The following CAPN11 variants were observed in gnomAD, a reference collection of about 807,000 sequenced individuals.
The protein encoded by CAPN11 is calpain-11.
Under a neutral mutation model 105.3 loss-of-function variants are expected in CAPN11, and 108 were observed. That is an observed-to-expected ratio of 1.03 (90% CI 0.88 to 1.20). The LOEUF (loss-of-function observed/expected upper bound fraction) is 1.20. Ranked by LOEUF, CAPN11 falls within the 50% of genes most tolerant of loss-of-function variation. The probability of loss-of-function intolerance (pLI) is 0.00; values close to 1 mark genes in which losing one functional copy is unlikely to be tolerated. For missense variants in CAPN11, 883 were observed against 924.8 expected, an observed-to-expected ratio of 0.95 and a Z score of 0.59; for synonymous variants, 329 against 344.5, an observed-to-expected ratio of 0.96 and a Z score of 0.50.
At chr6:44,162,703 G>A (rs1161926613) in intron 1 of CAPN11, among the ~76,000 whole-genome samples, 1 of 152,154 alleles carries the variant, frequency 6.6e-6, no homozygotes, top group African/African-American at 2.4e-5. Flanking sequence ...TCAACCTGGT[G>A]GCCCCTTTTC....
rs1396037360 is a variant in CAPN11 at position 44,180,611 on chromosome 6, G to C, written c.1695G>C (p.Glu565Asp). The change falls in exon 16 of 23, where the codon GAG becomes GAC. Residue 565 changes from glutamate to aspartate, a missense_variant. Transcript: ENST00000398776. The part of the protein sequence containing the change: ...AEQLQEEKVS[E>D]DDMDQDFLHL... ...CCGGCCCCCAGGAAAAGGTCTCTGA[G>C]GATGACATGGACCAGGACTTCCTAC... The C allele has an allele frequency of 1.9e-6, 3 of 1,613,698 alleles. No homozygotes were observed. Among genetic ancestry groups the C allele is most frequent in the Non-Finnish European group, 2.5e-6 (3 of 1,179,848 alleles).
At position 44,169,922 on chromosome 6, in the gene CAPN11, C is replaced by G. The variant is rs1405409768; in HGVS notation, c.356C>G (p.Pro119Arg). ...TCACTGCAGGATATCATAAACAACC[C>G]TCTATTCATCATGGATGGGATTTCT... is the stretch of plus-strand genomic sequence containing the variant. The part of the protein sequence containing the change: ...WQRPKDIINN[P>R]LFIMDGISPT... Residue 119 changes from proline (P) to arginine (R), a missense_variant, in exon 4 of 23, where the codon CCT becomes CGT. Transcript: ENST00000398776. 2 of 1,611,796 alleles carry G rather than the reference C, an allele frequency of 1.2e-6. No homozygotes were observed. Among genetic ancestry groups the G allele is most frequent in the Non-Finnish European group, 1.7e-6 (2 of 1,178,916 alleles).
At chr6:44,181,371 A>G in intron 19 of CAPN11, 51 bp downstream of exon 19, 2 of 1,545,024 alleles carry the variant, frequency 1.3e-6, no homozygotes, top group Admixed American at 3.4e-5. Context: ...AGAGGGTCTT[A>G]GGAGAGATGG....
At chr6:44,161,731 C>G in intron 1 of CAPN11, 2 of 454,684 alleles carry the variant, frequency 4.4e-6, no homozygotes, top group South Asian at 3.1e-5. Context: ...TTGCCTTGGC[C>G]TGCCCTCTGA....
chr6:44,184,137 CTTT>C lies in CAPN11; in HGVS notation c.*209_*211del. 1.7e-6 allele frequency: 1 copy of C among 591,030 alleles called. No individual in the cohort carries two copies. The highest frequency in any genetic ancestry group is 1.9e-5 in the African/African-American group (1 of 53,902). 36.6% of individuals were successfully genotyped at this position (591,030 alleles called of 1,614,324 possible). A position where few individuals can be genotyped will look rare whatever the true frequency, so the allele number is the denominator to read the frequency against. On this transcript the variant is annotated 3_prime_UTR_variant, in exon 23 of 23. Coordinates refer to ENST00000398776, the MANE Select transcript of CAPN11 (RefSeq NM_007058.4). ...CACTCCCCCAGCTCAGAGGCTTTCT[CTTT>C]TTTCCCCAACCCGGCTTCTGATGGC... is the stretch of plus-strand genomic sequence containing the variant.
At chr6:44,172,804 T>G in intron 5 of CAPN11, 136 bp from the exon 6 acceptor site, 3 of 981,864 alleles carry the variant, frequency 3.1e-6, no homozygotes, top group Non-Finnish European at 4.5e-6. Context: ...GGCTCAGGCT[T>G]TGGGTTGCCT....
At chr6:44,179,897 C>A in intron 13 of CAPN11, 55 bp from the exon 14 acceptor site, 2 of 1,406,754 alleles carry the variant, frequency 1.4e-6, no homozygotes, top group Non-Finnish European at 2.0e-6. Flanking sequence ...CCTGGGGGAC[C>A]CTCCCTCCCT....
At position 44,180,489 on chromosome 6, in the gene CAPN11, A is replaced by T; in HGVS notation, c.1670A>T (p.Gln557Leu). The change falls in exon 15 of 23, where the codon CAA becomes CTA. Residue 557 changes from glutamine to leucine, a missense_variant. Physicochemically the swap from Gln to Leu is moderately radical, Grantham distance 113. Transcript: ENST00000398776. ...TTGGATGAAGTCAACTATGCTGAGC[A>T]ACTCCAAGAGGTGAGGGGAGACTGT... ...WELDEVNYAEQLQEEKVSEDD... is the reference protein window; with the variant it reads ...WELDEVNYAELLQEEKVSEDD... The T allele has an allele frequency of 6.2e-7, 1 of 1,613,766 alleles. No individual in the cohort carries two copies. Among genetic ancestry groups the T allele is most frequent in the Non-Finnish European group, 8.5e-7 (1 of 1,179,826 alleles).
chr6:44,171,416 G>T (rs1770979065), intron 4 of CAPN11, among the ~76,000 whole-genome samples: 1 of 152,234 alleles, frequency 6.6e-6, no homozygotes, highest in Admixed American at 6.5e-5. Flanking sequence ...TATAATGTGG[G>T]TGACATGAGG....
chr6:44,173,469 G>A lies in CAPN11; in HGVS notation c.831+83G>A, dbSNP rs1156969028. 17 of 834,192 alleles carry A rather than the reference G, an allele frequency of 2.0e-5. 1 individual carries two copies. The Middle Eastern group carries it at 2.0e-3, about 98-fold the overall frequency. The allele number at this position is 834,192 out of a possible 1,614,324, so 51.7% of individuals were successfully genotyped here. A position where few individuals can be genotyped will look rare whatever the true frequency, so the allele number is the denominator to read the frequency against. On this transcript the variant is annotated intron_variant, in intron 7 of 22. Transcript: ENST00000398776. ...AAGGCTCTTCCCCCAGTATCTGCAC[G>A]GCCAGCACCTTCTCATTCAGTTCAA... is the stretch of plus-strand genomic sequence containing the variant.
chr6:44,174,794 AT>A (rs1371281480), intron 7 of CAPN11, among the ~76,000 whole-genome samples: 1 of 151,810 alleles, frequency 6.6e-6, no homozygotes, highest in East Asian at 1.9e-4. Context: ...TAAGTTTTGT[AT>A]TTTTAGTAGA....
At position 44,177,221 on chromosome 6, in the gene CAPN11, G is replaced by A. The variant is rs747998409; in HGVS notation, c.1238-21G>A. On this transcript the variant is annotated intron_variant, in intron 11 of 22. Coordinates refer to ENST00000398776, the MANE Select transcript of CAPN11 (RefSeq NM_007058.4). Reference sequence around the variant, plus strand: ...CCAAGGGAAGCCCCCGTATAACCACGCTGACCCACTTCCGCCACAGGCACG... The same window carrying A: ...CCAAGGGAAGCCCCCGTATAACCACACTGACCCACTTCCGCCACAGGCACG... 1.4e-5 allele frequency: 22 copies of A among 1,558,848 alleles called. 1 individual carries two copies. The highest frequency in any genetic ancestry group is 1.8e-4 in the Middle Eastern group (1 of 5,690).
intron 12 of CAPN11, among the ~76,000 whole-genome samples, chr6:44,178,815 C>G (rs915789552): frequency 1.9e-4 from 28 of 150,830 alleles, no homozygotes; most frequent in African/African-American, 6.4e-4. Flanking sequence ...CCCAGCTACT[C>G]GAGAAGCTGA....
chr6:44,160,524 G>A (rs1768572988), intron 1 of CAPN11, among the ~76,000 whole-genome samples: 1 of 152,162 alleles, frequency 6.6e-6, no homozygotes. Flanking sequence ...GGCTGAGGCA[G>A]GAGAATAGCG....
In CAPN11 at chr6:44,164,714, C is replaced by CA. The variant is rs935910185; in HGVS notation, c.17-2042dup. Reference sequence around the variant, plus strand: ...TCAGGAATGATTGCAGGCAGAGGCACAAGGATGGGAAGAGGAATGAGGGTA... The same window carrying CA: ...TCAGGAATGATTGCAGGCAGAGGCACAAAGGATGGGAAGAGGAATGAGGGTA... On this transcript the variant is annotated intron_variant, in intron 1 of 22. Transcript: ENST00000398776. Among the ~76,000 whole-genome samples the CA allele has an allele frequency of 5.3e-5, 8 of 152,072 alleles. No individual in the cohort carries two copies. The East Asian group carries it at 1.4e-3, about 26-fold the overall frequency.
chr6:44,166,197 G>T (rs1326268681), intron 1 of CAPN11, among the ~76,000 whole-genome samples: 4 of 152,152 alleles, frequency 2.6e-5, no homozygotes, highest in Admixed American at 6.5e-5. Context: ...GTTCAGCAAT[G>T]AATCATCTGT....
At position 44,177,398 on chromosome 6, in the gene CAPN11, C is replaced by T; in HGVS notation, c.1394C>T (p.Thr465Ile). 6.2e-7 allele frequency: 1 copy of T among 1,613,450 alleles called. No individual in the cohort carries two copies. The highest frequency in any genetic ancestry group is 8.5e-7 in the Non-Finnish European group (1 of 1,179,700). The change falls in exon 12 of 23, where the codon ACC (threonine) becomes ATC (isoleucine). Residue 465 changes from threonine to isoleucine, a missense_variant. Coordinates refer to ENST00000398776, the MANE Select transcript of CAPN11 (RefSeq NM_007058.4). ...HARQQGAQLQ[T>I]IGFVLYAVPK... ...CGGCAGCAGGGAGCCCAGCTGCAGA[C>T]CATTGGCTTTGTCCTCTACGCGGTG...
rs1582887735 is a variant in CAPN11 at position 44,181,146 on chromosome 6, T to G, written c.1870-106T>G. 2.5e-6 allele frequency: 3 copies of G among 1,217,142 alleles called. 1 individual carries two copies. Among genetic ancestry groups the G allele is most frequent in the Non-Finnish European group, 1.2e-6 (1 of 821,990 alleles). 75.4% of individuals were successfully genotyped at this position (1,217,142 alleles called of 1,614,324 possible). Reference sequence around the variant, plus strand: ...ATGCCAGTTCTTCTGGCTGCTACAGTACCGGAACCCCAGGGCTTGTGTGTC... The same window carrying G: ...ATGCCAGTTCTTCTGGCTGCTACAGGACCGGAACCCCAGGGCTTGTGTGTC... On this transcript the variant is annotated intron_variant, in intron 18 of 22. Transcript: ENST00000398776.
chr6:44,161,491 T>C (rs375991006), intron 1 of CAPN11, among the ~76,000 whole-genome samples: 16 of 152,166 alleles, frequency 1.1e-4, no homozygotes, highest in African/African-American at 3.6e-4. Flanking sequence ...TGAGCCACAG[T>C]GCCCAACTTA....
Sources: gnomAD v4.1 joint callset for allele counts (sites outside exome capture counted in the v4.1 genomes callset) on GRCh38, gnomAD v4.1.1 for gene constraint, MANE v1.5 for transcripts, NCBI Gene and HGNC (gene_info 2026-07-23, HGNC 2026-07-21) for gene names.